SOS2: variants seen among roughly 807,000 people sequenced by gnomAD.
SOS2 encodes SOS Ras/Rho guanine nucleotide exchange factor 2.
Under a neutral mutation model 148.2 loss-of-function variants are expected in SOS2, and 65 were observed. The observed-to-expected ratio is 0.44, with a 90% CI of 0.36 to 0.54. The LOEUF (loss-of-function observed/expected upper bound fraction) is 0.54. Among genes scored for constraint, SOS2 ranks in the 20% least tolerant of loss-of-function variants. The pLI, the probability that SOS2 is intolerant of heterozygous loss-of-function variation, is 0.00. For synonymous variants in SOS2, 539 were observed against 537.1 expected, an observed-to-expected ratio of 1.00 and a Z score of -0.05; for missense variants, 1,341 against 1,590.2, an observed-to-expected ratio of 0.84 and a Z score of 2.67.
At chr14:50,145,834 CAA>C (rs1884448646) in intron 14 of SOS2, among the ~76,000 whole-genome samples, 1 of 152,046 alleles carries the variant, frequency 6.6e-6, no homozygotes, top group African/African-American at 2.4e-5. Flanking sequence ...ATTAGATGAA[CAA>C]AAGTCTGATA....
intron 4 of SOS2, among the ~76,000 whole-genome samples, chr14:50,196,531 T>G (rs1390992448): frequency 6.6e-6 from 1 of 152,194 alleles, no homozygotes; most frequent in African/African-American, 2.4e-5. Flanking sequence ...TCTAACAATA[T>G]TTTTGTACCC....
intron 1 of SOS2, among the ~76,000 whole-genome samples, chr14:50,208,799 C>T (rs1886763094): frequency 6.6e-6 from 1 of 152,120 alleles, no homozygotes; most frequent in Non-Finnish European, 1.5e-5. Flanking sequence ...CTGGCTATTG[C>T]AGTAAACCAA....
intron 1 of SOS2, among the ~76,000 whole-genome samples, chr14:50,217,679 G>A (rs147750640): frequency 0.042 from 6,422 of 152,156 alleles, 214 homozygotes; most frequent in African/African-American, 0.076. Context: ...ACTTTTGGCC[G>A]GGTGCGGTGG....
chr14:50,141,463 G>T (rs1427657489), intron 16 of SOS2, among the ~76,000 whole-genome samples: 1 of 151,898 alleles, frequency 6.6e-6, no homozygotes, highest in Admixed American at 6.6e-5. Flanking sequence ...GGAGGCTGCA[G>T]TAAGCTATGA....
rs546071015 is a variant in SOS2, at chr14:50,140,363, T to G, written c.2668-304A>C. Among the ~76,000 whole-genome samples, 20 of 152,314 alleles carry G rather than the reference T, an allele frequency of 1.3e-4. No homozygotes were observed. The South Asian group carries it at 4.1e-3, about 32-fold the overall frequency. On this transcript the variant is annotated intron_variant, in intron 16 of 22. Coordinates refer to ENST00000216373, the MANE Select transcript of SOS2 (RefSeq NM_006939.4). ...AAGTCATAGCTGTAGAAGATGAAAA[T>G]TATAACCCCTGAACATTCAAATATT...
At chr14:50,121,297 C>G (rs113220826) in intron 21 of SOS2, among the ~76,000 whole-genome samples, 6 of 152,256 alleles carry the variant, frequency 3.9e-5, no homozygotes, top group Middle Eastern at 3.4e-3. Context: ...AGTTCAACTT[C>G]CCATTTGATC....
At position 50,117,724 on chromosome 14, in the gene SOS2, T is replaced by G. The variant is rs904639656; in HGVS notation, c.*620A>C. The G allele has an allele frequency of 6.6e-6, 1 of 152,280 alleles. No individual in the cohort carries two copies. The highest frequency in any genetic ancestry group is 1.5e-5 in the Non-Finnish European group (1 of 68,076). 9.4% of individuals were successfully genotyped at this position (152,280 alleles called of 1,614,324 possible). A position where few individuals can be genotyped will look rare whatever the true frequency, so the allele number is the denominator to read the frequency against. On this transcript the variant is annotated 3_prime_UTR_variant, in exon 23 of 23. Transcript: ENST00000216373. ...CCTTTTTCCCTCCATCATTGGGTTA[T>G]GTAGTCTTTGTTTACATTTTGACAA... is the stretch of plus-strand genomic sequence containing the variant.
At chr14:50,125,301 A>T (rs1165392292) in intron 21 of SOS2, among the ~76,000 whole-genome samples, 3 of 152,228 alleles carry the variant, frequency 2.0e-5, no homozygotes, top group African/African-American at 7.2e-5. Context: ...AGGTAGAAGA[A>T]GCAAGGAAGG....
chr14:50,118,141 C>CCATT lies in SOS2; in HGVS notation c.*202_*203insAATG. On this transcript the variant is annotated 3_prime_UTR_variant, in exon 23 of 23. Transcript: ENST00000216373. ...GCAGCACTGAGGATCCAAGACAAGG[C>CCATT]AATGCTACTGATCACCTGAGGATAA... 1.8e-6 allele frequency: 1 copy of CCATT among 543,462 alleles called. No homozygotes were observed. Among genetic ancestry groups the CCATT allele is most frequent in the Non-Finnish European group, 3.2e-6 (1 of 310,760 alleles). The allele number at this position is 543,462 out of a possible 1,614,324, so 33.7% of individuals were successfully genotyped here. A position where few individuals can be genotyped will look rare whatever the true frequency, so the allele number is the denominator to read the frequency against.
chr14:50,182,210 TG>T (rs1885766417), intron 6 of SOS2, among the ~76,000 whole-genome samples: 8 of 152,034 alleles, frequency 5.3e-5, no homozygotes, highest in Admixed American at 5.2e-4. Context: ...AAAAAAATTT[TG>T]TTTTTTGGAG....
chr14:50,209,397 A>T (rs758588975), intron 1 of SOS2, among the ~76,000 whole-genome samples: 1 of 151,786 alleles, frequency 6.6e-6, no homozygotes, highest in Non-Finnish European at 1.5e-5. Flanking sequence ...GCAGGACAAA[A>T]ATATTGTACA....
At chr14:50,138,389 G>A (rs1283375953) in intron 18 of SOS2, among the ~76,000 whole-genome samples, 1 of 151,934 alleles carries the variant, frequency 6.6e-6, no homozygotes, top group East Asian at 1.9e-4. Context: ...TCCAACTCCT[G>A]ATCTCAAGCG....
At chr14:50,170,886 G>A (rs1470601263) in intron 8 of SOS2, among the ~76,000 whole-genome samples, 2 of 151,018 alleles carry the variant, frequency 1.3e-5, no homozygotes, top group African/African-American at 4.9e-5. Context: ...GATGAGGCAG[G>A]TGGATCGCTT....
chr14:50,202,023 C>T (rs1229321232), intron 2 of SOS2, among the ~76,000 whole-genome samples: 6 of 152,190 alleles, frequency 3.9e-5, no homozygotes, highest in East Asian at 1.9e-4. Context: ...AGTGCAGTGG[C>T]GGGATCTCAG....
chr14:50,214,535 T>G (rs1209968401), intron 1 of SOS2, among the ~76,000 whole-genome samples: 1 of 152,028 alleles, frequency 6.6e-6, no homozygotes, highest in Non-Finnish European at 1.5e-5. Flanking sequence ...GACATTTAAC[T>G]AGGCGTAGTG....
At chr14:50,188,415 TA>T (rs571986276) in intron 5 of SOS2, 81 bp downstream of exon 5, 82 of 950,674 alleles carry the variant, frequency 8.6e-5, no homozygotes, top group South Asian at 1.5e-4. Context: ...CTCAAAAAAA[TA>T]AAAAAAAGTG....
At chr14:50,165,045 G>A (rs1464877543) in intron 8 of SOS2, among the ~76,000 whole-genome samples, 1 of 152,080 alleles carries the variant, frequency 6.6e-6, no homozygotes, top group Non-Finnish European at 1.5e-5. Context: ...TTTTGCAGTA[G>A]TTTTTGGAAT....
intron 18 of SOS2, among the ~76,000 whole-genome samples, chr14:50,135,463 T>G (rs1884045078): frequency 6.6e-6 from 1 of 151,256 alleles, no homozygotes; most frequent in South Asian, 2.1e-4. Context: ...ATATCATTGT[T>G]TACATTTAAA....
rs1258305203 is a variant in SOS2 at position 50,231,323 on chromosome 14, G to C, written c.-40C>G. The C allele has an allele frequency of 1.8e-5, 21 of 1,182,248 alleles. No individual in the cohort carries two copies. Among genetic ancestry groups the C allele is most frequent in the Non-Finnish European group, 2.3e-5 (21 of 905,420 alleles). 73.2% of individuals were successfully genotyped at this position (1,182,248 alleles called of 1,614,324 possible). A position where few individuals can be genotyped will look rare whatever the true frequency, so the allele number is the denominator to read the frequency against. ...CGCCTCCGCATCGGGGGCAGCCCGC[G>C]GGCCGGGCCGGTGGCCTGACAGGCA... is the stretch of plus-strand genomic sequence containing the variant. On this transcript the variant is annotated 5_prime_UTR_variant, in exon 1 of 23. Transcript: ENST00000216373.
Sources: gnomAD v4.1 joint callset for allele counts (sites outside exome capture counted in the v4.1 genomes callset) on GRCh38, gnomAD v4.1.1 for gene constraint, MANE v1.5 for transcripts, NCBI Gene and HGNC (gene_info 2026-07-23, HGNC 2026-07-21) for gene names.